Variants in LRRC37A2 observed in about 807,000 individuals in gnomAD.
LRRC37A2 encodes leucine rich repeat containing 37 member A2.
A neutral mutation model predicts 68.8 loss-of-function variants in LRRC37A2; 9 were observed. That is an observed-to-expected ratio of 0.13 (90% CI 0.08 to 0.23). The LOEUF is 0.23. LRRC37A2 is among the 10% of genes least tolerant of loss of function. LRRC37A2 has a pLI of 1.00. For synonymous variants in LRRC37A2, 63 were observed against 367.6 expected, an observed-to-expected ratio of 0.17 and a Z score of 9.48; for missense variants, 168 against 950.4, an observed-to-expected ratio of 0.18 and a Z score of 10.82.
chr17:46,830,529 A>G, the LRRC37A2 span: 2 of 396,296 alleles, frequency 5.0e-6, no homozygotes, highest in Non-Finnish European at 8.9e-6. Context: ...TACAGGCATG[A>G]GCCACCACAC....
chr17:46,747,337 G>C, the LRRC37A2 span, among the ~76,000 whole-genome samples: 1 of 152,192 alleles, frequency 6.6e-6, no homozygotes, highest in Non-Finnish European at 1.5e-5. Context: ...CAGGAGTGCA[G>C]TGGTGCCATC....
chr17:46,890,237 C>T, the LRRC37A2 span, among the ~76,000 whole-genome samples: 1 of 152,204 alleles, frequency 6.6e-6, no homozygotes, highest in Non-Finnish European at 1.5e-5. Flanking sequence ...GTTCCTTCAT[C>T]TCAGCTTAAA....
At chr17:46,496,964 T>C in the LRRC37A2 span, among the ~76,000 whole-genome samples, 1 of 144,114 alleles carries the variant, frequency 6.9e-6, no homozygotes, top group Non-Finnish European at 1.5e-5. Flanking sequence ...TAGTGTTTTA[T>C]ATTAGTAGTA....
chr17:46,997,756 G>C, the LRRC37A2 span, among the ~76,000 whole-genome samples: 1 of 152,164 alleles, frequency 6.6e-6, no homozygotes, highest in Non-Finnish European at 1.5e-5. Flanking sequence ...GATCATTTGA[G>C]GTTAGAAGTT....
chr17:47,015,211 T>C, the LRRC37A2 span, among the ~76,000 whole-genome samples: 7 of 152,154 alleles, frequency 4.6e-5, no homozygotes, highest in Non-Finnish European at 7.4e-5. Context: ...TTTCACCACG[T>C]TGGCCAGGCT....
chr17:46,784,602 G>T, the LRRC37A2 span, among the ~76,000 whole-genome samples: 1 of 152,100 alleles, frequency 6.6e-6, no homozygotes, highest in Non-Finnish European at 1.5e-5. Flanking sequence ...GGCTGGAAAG[G>T]TGGGCTCTCC....
the LRRC37A2 span, chr17:46,939,014 G>A: frequency 4.9e-5 from 65 of 1,326,054 alleles, 1 homozygote; most frequent in South Asian, 9.0e-4. Flanking sequence ...TCTCACTCTC[G>A]CTCTCACTGG....
the LRRC37A2 span, among the ~76,000 whole-genome samples, chr17:46,710,734 C>G: frequency 6.6e-5 from 10 of 152,130 alleles, no homozygotes; most frequent in African/African-American, 2.4e-4. Flanking sequence ...GAATCTCAGC[C>G]TAGAATCCAT....
the LRRC37A2 span, chr17:46,726,680 A>G: frequency 2.9e-6 from 4 of 1,372,512 alleles, no homozygotes; most frequent in East Asian, 4.6e-5. Flanking sequence ...CAAAAGTTAC[A>G]AGAGAAAATT....
At chr17:46,939,024 G>T in the LRRC37A2 span, 7 of 1,302,504 alleles carry the variant, frequency 5.4e-6, no homozygotes, top group Non-Finnish European at 6.9e-6. Flanking sequence ...GCTCTCACTG[G>T]GGGAGGGAAA....
chr17:46,766,357 G>A, the LRRC37A2 span, among the ~76,000 whole-genome samples: 2 of 151,756 alleles, frequency 1.3e-5, no homozygotes, highest in South Asian at 4.2e-4. Context: ...ACAGTGAGCC[G>A]AGATTGCGCA....
chr17:46,771,919 C>T, the LRRC37A2 span, among the ~76,000 whole-genome samples: 4 of 145,208 alleles, frequency 2.8e-5, no homozygotes, highest in African/African-American at 9.9e-5. Flanking sequence ...TGGGGAAGCG[C>T]CTCGGGCCCG....
chr17:47,033,763 A>G, the LRRC37A2 span, among the ~76,000 whole-genome samples: 1 of 152,252 alleles, frequency 6.6e-6, no homozygotes, highest in African/African-American at 2.4e-5. Flanking sequence ...TTATTTTGTG[A>G]GCTACCTTTA....
the LRRC37A2 span, chr17:46,934,967 A>G: frequency 2.0e-6 from 3 of 1,484,780 alleles, no homozygotes; most frequent in Non-Finnish European, 2.8e-6. Context: ...AAGACAGAGC[A>G]GTGAGACCCC....
the LRRC37A2 span, among the ~76,000 whole-genome samples, chr17:46,787,933 G>A: frequency 6.7e-6 from 1 of 150,112 alleles, no homozygotes; most frequent in Non-Finnish European, 1.5e-5. Context: ...TCCAGCCTGG[G>A]CAACAGAGTG....
At chr17:47,007,168 C>CTT in the LRRC37A2 span, among the ~76,000 whole-genome samples, 1 of 151,924 alleles carries the variant, frequency 6.6e-6, no homozygotes, top group Non-Finnish European at 1.5e-5. Context: ...GATTTTCTTT[C>CTT]TTTTTTTTCT....
the LRRC37A2 span, among the ~76,000 whole-genome samples, chr17:46,801,456 C>G: frequency 6.6e-6 from 1 of 152,048 alleles, no homozygotes; most frequent in Non-Finnish European, 1.5e-5. Context: ...CCCATCTCTA[C>G]TAAAAATAGA....
the LRRC37A2 span, among the ~76,000 whole-genome samples, chr17:46,962,328 C>CA: frequency 4.6e-3 from 635 of 139,292 alleles, 3 homozygotes; most frequent in Admixed American, 8.8e-3. Context: ...GACTCCATCT[C>CA]AAAAAAAAAA....
At chr17:46,936,054 C>T in the LRRC37A2 span, 14 of 985,714 alleles carry the variant, frequency 1.4e-5, no homozygotes, top group Non-Finnish European at 1.7e-5. Flanking sequence ...CCTGCCATCT[C>T]TACGGGGGAG....
Sources: gnomAD v4.1 joint callset for allele counts (sites outside exome capture counted in the v4.1 genomes callset) on GRCh38, gnomAD v4.1.1 for gene constraint, MANE v1.5 for transcripts, NCBI Gene and HGNC (gene_info 2026-07-23, HGNC 2026-07-21) for gene names.